Variants in PTAFR observed in about 807,000 individuals in gnomAD.
PTAFR encodes platelet-activating factor receptor.
Under a neutral mutation model 14.7 loss-of-function variants are expected in PTAFR, and 8 were observed. The observed-to-expected ratio is 0.54, with a 90% CI of 0.32 to 0.98. The LOEUF (loss-of-function observed/expected upper bound fraction) is 0.98, where lower values mean the gene tolerates loss of function less well. Ranked by LOEUF, PTAFR falls within the 50% of genes least tolerant of loss-of-function variation. PTAFR has a pLI of 0.04. For missense variants in PTAFR, 337 were observed against 451.2 expected (o/e 0.75, Z 2.29); for synonymous variants, 156 against 176.5 (o/e 0.88, Z 0.92).
At chr1:28,172,457 C>A (rs949606059) in intron 1 of PTAFR, among the ~76,000 whole-genome samples, 1 of 152,232 alleles carries the variant, frequency 6.6e-6, no homozygotes, top group African/African-American at 2.4e-5. Flanking sequence ...TCACACAGAC[C>A]TGAGTCTGCA....
intron 1 of PTAFR, among the ~76,000 whole-genome samples, chr1:28,189,368 C>G (rs1646632666): frequency 6.6e-6 from 1 of 151,952 alleles, no homozygotes; most frequent in South Asian, 2.1e-4. Flanking sequence ...AATCTCAGCA[C>G]TTTGGGAGAC....
In PTAFR at chr1:28,182,609, T is replaced by G. The variant is rs1476913776; in HGVS notation, c.-39+11113A>C. 4.6e-5 allele frequency among the ~76,000 whole-genome samples: 7 copies of G among 150,694 alleles called. No individual in the cohort carries two copies. In the South Asian group the frequency reaches 1.0e-3, roughly 23 times the overall value. Reference sequence around the variant, plus strand: ...CCCTGTCTCTTAAAAAAAAAAAAAGTGTGCTGATAATTGTTGAAGCTGGCT... The same window carrying G: ...CCCTGTCTCTTAAAAAAAAAAAAAGGGTGCTGATAATTGTTGAAGCTGGCT... On this transcript the variant is annotated intron_variant, in intron 1 of 1. Transcript: ENST00000305392.
intron 1 of PTAFR, among the ~76,000 whole-genome samples, chr1:28,183,114 C>T (rs1429499673): frequency 6.6e-6 from 1 of 152,044 alleles, no homozygotes; most frequent in African/African-American, 2.4e-5. Context: ...AGAAAACTGT[C>T]CCAATGTTAT....
At chr1:28,167,680 C>G (rs1646401946) in intron 1 of PTAFR, among the ~76,000 whole-genome samples, 1 of 107,154 alleles carries the variant, frequency 9.3e-6, no homozygotes, top group East Asian at 3.3e-4. Context: ...GAGCCTTACT[C>G]TGTCGCCCAG....
chr1:28,175,519 G>A (rs934964819), intron 1 of PTAFR, among the ~76,000 whole-genome samples: 3 of 151,872 alleles, frequency 2.0e-5, no homozygotes, highest in Non-Finnish European at 4.4e-5. Flanking sequence ...CTAAAGGAGA[G>A]CAGCCAGAGG....
At position 28,150,885 on chromosome 1, in the gene PTAFR, C is replaced by A; in HGVS notation, c.137G>T (p.Cys46Phe). Residue 46 changes from cysteine (C) to phenylalanine (F), a missense_variant, in exon 2 of 2, where the codon TGC becomes TTC. Cys to Phe is a radical substitution (Grantham distance 205). Coordinates refer to ENST00000373857, the MANE Select transcript of PTAFR (RefSeq NM_000952.5). This position sits in a 1 kb window ranked among gnomAD's most constrained non-coding sequence, Gnocchi z 6.3. ...GATCTTTATCTCATTGAATTTCTTGCAAGGGTACAGGCGGGCAAAGACCCA... is the reference window on the plus strand; with the variant it reads ...GATCTTTATCTCATTGAATTTCTTGAAAGGGTACAGGCGGGCAAAGACCCA... The part of the protein sequence containing the change: ...VLWVFARLYP[C>F]KKFNEIKIFM... The A allele has an allele frequency of 1.9e-6, 3 of 1,614,088 alleles. No homozygotes were observed. Among genetic ancestry groups the A allele is most frequent in the Non-Finnish European group, 2.5e-6 (3 of 1,180,012 alleles).
intron 1 of PTAFR, among the ~76,000 whole-genome samples, chr1:28,182,348 A>T (rs1646569261): frequency 6.9e-6 from 1 of 144,472 alleles, no homozygotes; most frequent in African/African-American, 2.5e-5. Flanking sequence ...AAAGAAAGAG[A>T]GAGAGAGAAA....
intron 1 of PTAFR, among the ~76,000 whole-genome samples, chr1:28,186,849 C>T (rs568130973): frequency 2.4e-4 from 37 of 152,272 alleles, no homozygotes; most frequent in African/African-American, 7.7e-4. Flanking sequence ...CGCCTGAACC[C>T]GGGAGACAGA....
intron 1 of PTAFR, among the ~76,000 whole-genome samples, chr1:28,164,324 C>G (rs1646358338): frequency 6.6e-6 from 1 of 152,218 alleles, no homozygotes; most frequent in South Asian, 2.1e-4. Context: ...AGTTCATCCA[C>G]AGCTCCTGCA....
chr1:28,170,398 A>T (rs575852499), intron 1 of PTAFR, among the ~76,000 whole-genome samples: 1 of 152,108 alleles, frequency 6.6e-6, no homozygotes, highest in African/African-American at 2.4e-5. Flanking sequence ...CCTCATCTAT[A>T]AAATGGGAAT....
At chr1:28,180,750 G>C (rs898994246), upstream of PTAFR, among the ~76,000 whole-genome samples, 62 of 152,172 alleles carry the variant, frequency 4.1e-4, no homozygotes, top group African/African-American at 1.4e-3. Context: ...AGAGATAATG[G>C]TGTTGCAGTT....
At chr1:28,173,366 G>A (rs1646473701) in intron 1 of PTAFR, among the ~76,000 whole-genome samples, 1 of 151,872 alleles carries the variant, frequency 6.6e-6, no homozygotes, top group Admixed American at 6.6e-5. Flanking sequence ...AGCACTTTGG[G>A]AGGCCAAGGC....
intron 1 of PTAFR, among the ~76,000 whole-genome samples, chr1:28,191,149 C>T (rs560669027): frequency 1.1e-4 from 16 of 152,206 alleles, no homozygotes; most frequent in Admixed American, 2.6e-4. Context: ...GAAAGGTCAC[C>T]GTGGCATGCA....
At position 28,150,604 on chromosome 1, in the gene PTAFR, C is replaced by A; in HGVS notation, c.418G>T (p.Val140Phe). 3 of 1,614,166 alleles carry A rather than the reference C, an allele frequency of 1.9e-6. No homozygotes were observed. The highest frequency in any genetic ancestry group is 2.5e-6 in the Non-Finnish European group (3 of 1,180,040). The change falls in exon 2 of 2, where the codon GTC (valine) becomes TTC (phenylalanine). Residue 140 changes from valine to phenylalanine, a missense_variant. Physicochemically the swap from Val to Phe is conservative, Grantham distance 50. Coordinates refer to ENST00000373857, the MANE Select transcript of PTAFR (RefSeq NM_000952.5). This position sits in a 1 kb window ranked among gnomAD's most constrained non-coding sequence, Gnocchi z 6.3. ...TRKRGISLSLVIWVAIVGAAS... is the reference protein window; with the variant it reads ...TRKRGISLSLFIWVAIVGAAS... The stretch of plus-strand genomic sequence containing the variant: ...GCTCCCACAATGGCCACCCAGATGA[C>A]CAAGGACAAAGAGATGCCACGCTTG...
At chr1:28,181,629 C>G (rs1646563405), upstream of PTAFR, among the ~76,000 whole-genome samples, 1 of 151,996 alleles carries the variant, frequency 6.6e-6, no homozygotes, top group African/African-American at 2.4e-5. Context: ...GTAATCTCAG[C>G]TACTCGGGAG....
chr1:28,189,384 C>T (rs191196038), intron 1 of PTAFR, among the ~76,000 whole-genome samples: 2 of 152,040 alleles, frequency 1.3e-5, no homozygotes, highest in African/African-American at 2.4e-5. Flanking sequence ...GAGACGGAGG[C>T]GGGCAGATCA....
chr1:28,166,729 A>G (rs1416633206), intron 1 of PTAFR, among the ~76,000 whole-genome samples: 1 of 151,986 alleles, frequency 6.6e-6, no homozygotes, highest in Non-Finnish European at 1.5e-5. Flanking sequence ...GTAATCCCAG[A>G]ACTTTGAGAG....
At chr1:28,170,836 T>G (rs996421821) in intron 1 of PTAFR, among the ~76,000 whole-genome samples, 2 of 150,556 alleles carry the variant, frequency 1.3e-5, no homozygotes, top group Non-Finnish European at 3.0e-5. Context: ...CTGTCTCTAC[T>G]AAAAATACAA....
chr1:28,176,263 C>T (rs1007708626), intron 1 of PTAFR, among the ~76,000 whole-genome samples: 1 of 151,800 alleles, frequency 6.6e-6, no homozygotes, highest in Non-Finnish European at 1.5e-5. Context: ...GGCAACAAGG[C>T]AAGACCTCGT....
Sources: allele counts gnomAD v4.1 joint callset (sites outside exome capture counted in the v4.1 genomes callset), GRCh38; gene constraint gnomAD v4.1.1; non-coding constraint Gnocchi (gnomAD v3.1); transcripts MANE v1.5; gene names NCBI Gene and HGNC (gene_info 2026-07-23, HGNC 2026-07-21).